The following GDAP1 variants were observed in gnomAD, a reference collection of about 807,000 sequenced individuals.
GDAP1 encodes the protein ganglioside induced differentiation associated protein 1.
Under a neutral mutation model 40.1 loss-of-function variants are expected in GDAP1, and 34 were observed. The ratio of observed to expected loss-of-function variants is 0.85; its 90% CI spans 0.64 to 1.13. GDAP1 has a LOEUF of 1.13. Ranked by LOEUF, GDAP1 falls within the 50% of genes most tolerant of loss-of-function variation. The pLI, the probability that GDAP1 is intolerant of heterozygous loss-of-function variation, is 0.00. For missense variants in GDAP1, 374 were observed against 433.7 expected, an observed-to-expected ratio of 0.86 and a Z score of 1.22; for synonymous variants, 170 against 157.4, an observed-to-expected ratio of 1.08 and a Z score of -0.60.
At position 74,361,822 on chromosome 8, in the gene GDAP1, C is replaced by A. The variant is rs572510178; in HGVS notation, c.485-62C>A. 14 of 929,318 alleles carry A rather than the reference C, an allele frequency of 1.5e-5. No individual in the cohort carries two copies. In the East Asian group the frequency reaches 3.4e-4, roughly 22 times the overall value. 57.6% of individuals were successfully genotyped at this position (929,318 alleles called of 1,614,324 possible). On this transcript the variant is annotated intron_variant, in intron 3 of 5. Coordinates refer to ENST00000220822, the MANE Select transcript of GDAP1 (RefSeq NM_018972.4). ...CTTGTCATTGAGTTTCTCTGCTTCTCCTTGTTACTGGTGTAGAAGGGAGAA... is the reference window on the plus strand; with the variant it reads ...CTTGTCATTGAGTTTCTCTGCTTCTACTTGTTACTGGTGTAGAAGGGAGAA...
At chr8:74,442,230 T>C (rs900137431) in intron 2 of GDAP1, among the ~76,000 whole-genome samples, 1 of 152,240 alleles carries the variant, frequency 6.6e-6, no homozygotes, top group Non-Finnish European at 1.5e-5. Flanking sequence ...GGAAATACTT[T>C]GGCCTTTTCA....
intron 2 of GDAP1, among the ~76,000 whole-genome samples, chr8:74,473,039 T>G (rs1005804530): frequency 2.0e-5 from 3 of 152,080 alleles, no homozygotes; most frequent in Admixed American, 2.0e-4. Flanking sequence ...CATGAGCCAC[T>G]GTGCCCAGCC....
chr8:74,418,871 G>C (rs1394371093), intron 2 of GDAP1, among the ~76,000 whole-genome samples: 1 of 151,332 alleles, frequency 6.6e-6, no homozygotes, highest in African/African-American at 2.4e-5. Flanking sequence ...ATAGACAAAA[G>C]ACTTTAACAG....
intron 2 of GDAP1, among the ~76,000 whole-genome samples, chr8:74,410,299 C>G (rs1478923967): frequency 6.7e-6 from 1 of 149,816 alleles, no homozygotes; most frequent in African/African-American, 2.5e-5. Flanking sequence ...TTGAATTTAT[C>G]TGCATTTCCA....
At chr8:74,447,353 G>T (rs1806243997) in intron 2 of GDAP1, among the ~76,000 whole-genome samples, 1 of 152,082 alleles carries the variant, frequency 6.6e-6, no homozygotes, top group East Asian at 1.9e-4. Flanking sequence ...TAGAAAATGG[G>T]GTCCATTTTT....
At chr8:74,396,278 G>A (rs1382738515) in intron 2 of GDAP1, among the ~76,000 whole-genome samples, 1 of 151,500 alleles carries the variant, frequency 6.6e-6, no homozygotes, top group African/African-American at 2.4e-5. Flanking sequence ...CAATTCCAAT[G>A]TCATATTATT....
rs1213401220 is a variant in GDAP1, at chr8:74,452,348, C to G, written c.166-36330C>G. Among the ~76,000 whole-genome samples, 4 of 83,554 alleles carry G rather than the reference C, an allele frequency of 4.8e-5. 2 individuals carry two copies. 54.8% of individuals were successfully genotyped at this position (83,554 alleles called of 152,430 possible). ...GTGACTATTTTGGCCATTATTTCCT[C>G]AAGTATTGTTTTTTTGGTCCATGTT... is the stretch of plus-strand genomic sequence containing the variant. On this transcript the variant is annotated intron_variant, in intron 2 of 2. Transcript: ENST00000523640.
At chr8:74,471,518 TTC>T (rs896900640) in intron 2 of GDAP1, among the ~76,000 whole-genome samples, 84 of 152,306 alleles carry the variant, frequency 5.5e-4, no homozygotes, top group African/African-American at 1.9e-3. Flanking sequence ...TTTTCTCAAT[TTC>T]TGAGTCATAT....
chr8:74,413,379 C>T lies in GDAP1; in HGVS notation c.165+62058C>T, dbSNP rs936274046. On this transcript the variant is annotated intron_variant, in intron 2 of 2. Coordinates refer to the GDAP1 transcript ENST00000523640. ...TTCCGGGTCCAGTATTTCCCTCAGG[C>T]TGGATCCAACACAGCCCAGCCCCAA... Among the ~76,000 whole-genome samples, 10 of 150,022 alleles carry T rather than the reference C, an allele frequency of 6.7e-5. 2 individuals carry two copies. The highest frequency in any genetic ancestry group is 2.5e-4 in the African/African-American group (10 of 39,340).
downstream of GDAP1, among the ~76,000 whole-genome samples, chr8:74,369,636 C>CATAT (rs58023590): frequency 5.3e-5 from 8 of 149,828 alleles, no homozygotes; most frequent in African/African-American, 2.0e-4. Context: ...TGTGTGTGTG[C>CATAT]ATATATATAT....
rs191630192 is a variant in GDAP1, at chr8:74,397,186, C to T, written c.165+45865C>T. On this transcript the variant is annotated intron_variant, in intron 2 of 2. Transcript: ENST00000523640. ...GAAGTGTCTGTTCATGTCCTTTGCC[C>T]GCTTTTTGATGGGTTTTTTTTTTTT... Among the ~76,000 whole-genome samples, 678 of 141,602 alleles carry T rather than the reference C, an allele frequency of 4.8e-3. 2 individuals carry two copies. Among genetic ancestry groups the T allele is most frequent in the Non-Finnish European group, 6.1e-3 (404 of 66,026 alleles). The allele number at this position is 141,602 out of a possible 152,430, so 92.9% of individuals were successfully genotyped here. A position where few individuals can be genotyped will look rare whatever the true frequency, so the allele number is the denominator to read the frequency against.
rs761338409 is a variant in GDAP1, at chr8:74,366,157, G to T, written c.*1790G>T. 1.8e-4 allele frequency: 82 copies of T among 453,040 alleles called. No homozygotes were observed. Among genetic ancestry groups the T allele is most frequent in the South Asian group, 1.3e-3 (82 of 63,726 alleles). The allele number at this position is 453,040 out of a possible 1,614,324, so 28.1% of individuals were successfully genotyped here. A position where few individuals can be genotyped will look rare whatever the true frequency, so the allele number is the denominator to read the frequency against. ...TCCTGAATCATAGGGAATCTTTCTA[G>T]AATGTGTTTATAATTTCCTTGTACA... is the stretch of plus-strand genomic sequence containing the variant. On this transcript the variant is annotated 3_prime_UTR_variant, in exon 6 of 6. Coordinates refer to ENST00000220822, the MANE Select transcript of GDAP1 (RefSeq NM_018972.4).
intron 2 of GDAP1, among the ~76,000 whole-genome samples, chr8:74,382,708 G>C (rs1163847217): frequency 2.0e-5 from 3 of 151,962 alleles, no homozygotes; most frequent in Non-Finnish European, 4.4e-5. Flanking sequence ...CAAATGGAAG[G>C]CTGGAGCTTT....
chr8:74,422,269 TTTC>T (rs1301808828), intron 2 of GDAP1, among the ~76,000 whole-genome samples: 6 of 149,984 alleles, frequency 4.0e-5, no homozygotes, highest in African/African-American at 7.4e-5. Flanking sequence ...TTCTTTTTCT[TTTC>T]TTTTCTTTTT....
At chr8:74,429,333 G>A (rs1035137043) in intron 2 of GDAP1, among the ~76,000 whole-genome samples, 7 of 151,954 alleles carry the variant, frequency 4.6e-5, no homozygotes, top group Admixed American at 4.6e-4. Flanking sequence ...AAGTCTAAGA[G>A]ACAAATGGCT....
In GDAP1 at chr8:74,464,268, G is replaced by A. The variant is rs7004069; in HGVS notation, c.166-24410G>A. ...CAGTCCAAAATACAGTGCCAATAGG[G>A]GAGTGTCAAATTCCGGGTTAATTTA... On this transcript the variant is annotated intron_variant, in intron 2 of 2. Transcript: ENST00000523640. 5.5e-4 allele frequency among the ~76,000 whole-genome samples: 83 copies of A among 152,260 alleles called. No homozygotes were observed. The South Asian group carries it at 0.017, about 31-fold the overall frequency.
intron 3 of GDAP1, 90 bp from the exon 4 acceptor site, chr8:74,361,794 G>T: frequency 1.2e-6 from 1 of 802,268 alleles, no homozygotes; most frequent in South Asian, 1.4e-5. Flanking sequence ...CAGAGCTCAT[G>T]CTCTTGTCAT....
chr8:74,376,400 G>C (rs1261139952), intron 2 of GDAP1, among the ~76,000 whole-genome samples: 2 of 147,840 alleles, frequency 1.4e-5, no homozygotes, highest in South Asian at 2.1e-4. Flanking sequence ...CCAGGCTGGA[G>C]TGCAGTGGCG....
intron 2 of GDAP1, among the ~76,000 whole-genome samples, chr8:74,359,433 G>C (rs1462048854): frequency 6.6e-6 from 1 of 152,190 alleles, no homozygotes; most frequent in Non-Finnish European, 1.5e-5. Flanking sequence ...TAGCAAATAA[G>C]GATGTATGTA....
Sources: gnomAD v4.1 joint callset for allele counts (sites outside exome capture counted in the v4.1 genomes callset) on GRCh38, gnomAD v4.1.1 for gene constraint, MANE v1.5 for transcripts, NCBI Gene and HGNC (gene_info 2026-07-23, HGNC 2026-07-21) for gene names.